ANXA6: variants seen among roughly 807,000 people sequenced by gnomAD.
ANXA6 encodes the protein 67 kDa calelectrin.
Under a neutral mutation model 95.4 loss-of-function variants are expected in ANXA6, and 71 were observed. That is an observed-to-expected ratio of 0.74 (90% CI 0.61 to 0.91). ANXA6 has a LOEUF of 0.91. Ranked by LOEUF, ANXA6 falls within the 40% of genes least tolerant of loss-of-function variation. The pLI, the probability that ANXA6 is intolerant of heterozygous loss-of-function variation, is 0.00. For missense variants in ANXA6, 830 were observed against 876.4 expected (o/e 0.95, Z 0.67); for synonymous variants, 289 against 315.9 (o/e 0.91, Z 0.90).
chr5:151,140,156 A>T lies in ANXA6; in HGVS notation c.106T>A (p.Phe36Ile). 1 of 1,613,814 alleles carries T rather than the reference A, an allele frequency of 6.2e-7. No individual in the cohort carries two copies. The highest frequency in any genetic ancestry group is 8.5e-7 in the Non-Finnish European group (1 of 1,179,852). ...TCCCATGAAGCCTGGCACCCACCAAAGCCCTTCATGGCAGTGTACAGAGCC... is the reference window on the plus strand; with the variant it reads ...TCCCATGAAGCCTGGCACCCACCAATGCCCTTCATGGCAGTGTACAGAGCC... ...AEALYTAMKGFGSDKEAILDI... is the reference protein window; with the variant it reads ...AEALYTAMKGIGSDKEAILDI... Residue 36 changes from phenylalanine to isoleucine, a missense_variant, in exon 3 of 26, where the codon TTT (phenylalanine) becomes ATT (isoleucine). Phe to Ile is a conservative substitution (Grantham distance 21). Transcript: ENST00000354546.
chr5:151,121,166 T>A (rs1474567243), intron 17 of ANXA6, among the ~76,000 whole-genome samples: 2 of 152,224 alleles, frequency 1.3e-5, no homozygotes, highest in Non-Finnish European at 2.9e-5. Flanking sequence ...CCAAAAGCAC[T>A]ACTGGTTTTA....
At chr5:151,122,753 G>A (rs1336513159) in intron 16 of ANXA6, among the ~76,000 whole-genome samples, 164 bp downstream of exon 16, 1 of 152,198 alleles carries the variant, frequency 6.6e-6, no homozygotes, top group African/African-American at 2.4e-5. Flanking sequence ...AGATATGTCT[G>A]CCCAAACCCA....
chr5:151,121,394 TA>T (rs1765163451), intron 17 of ANXA6, among the ~76,000 whole-genome samples: 1 of 152,242 alleles, frequency 6.6e-6, no homozygotes, highest in Non-Finnish European at 1.5e-5. Context: ...ATGCTCTTTA[TA>T]AACAGTAGCC....
At chr5:151,135,565 C>T (rs1765634403) in intron 7 of ANXA6, among the ~76,000 whole-genome samples, 2 of 152,218 alleles carry the variant, frequency 1.3e-5, no homozygotes, top group African/African-American at 4.8e-5. Flanking sequence ...CATCTCAATG[C>T]CTGTTCCCAT....
intron 20 of ANXA6, among the ~76,000 whole-genome samples, chr5:151,114,613 TAAAAAA>T (rs61407672): frequency 2.4e-4 from 17 of 70,314 alleles, no homozygotes; most frequent in African/African-American, 7.4e-4. Flanking sequence ...GACTCCGTCT[TAAAAAA>T]AAAAAAAAAA....
intron 10 of ANXA6, among the ~76,000 whole-genome samples, chr5:151,131,740 C>T (rs749969400): frequency 6.6e-6 from 1 of 152,046 alleles, no homozygotes; most frequent in Non-Finnish European, 1.5e-5. Flanking sequence ...CTGGGAGGGA[C>T]GATAAAGGAG....
intron 6 of ANXA6, 164 bp downstream of exon 6, chr5:151,137,067 A>T: frequency 1.5e-6 from 1 of 657,202 alleles, no homozygotes. Context: ...CTAGCACATC[A>T]CCCAGCACAG....
At chr5:151,104,246 C>A (rs753493921) in intron 24 of ANXA6, among the ~76,000 whole-genome samples, 1 of 152,194 alleles carries the variant, frequency 6.6e-6, no homozygotes, top group Non-Finnish European at 1.5e-5. Context: ...GCCTCCAGAA[C>A]TATGAGAATA....
intron 22 of ANXA6, 54 bp downstream of exon 22, chr5:151,109,699 A>G: frequency 7.1e-7 from 1 of 1,411,644 alleles, no homozygotes; most frequent in South Asian, 1.2e-5. Flanking sequence ...AGAGGCTCTC[A>G]TCAGATTCTG....
chr5:151,109,856 C>T lies in ANXA6; in HGVS notation c.1591-10G>A, dbSNP rs1226005090. ...GTGTGTCTGCTATTTCCTGCAGAGC[C>T]CCAGTTGGAGCAAGGATTTGGGAGG... On this transcript the variant is annotated splice_polypyrimidine_tract_variant and intron_variant, in intron 21 of 25. Coordinates refer to ENST00000354546, the MANE Select transcript of ANXA6 (RefSeq NM_001155.5). 6.3e-7 allele frequency: 1 copy of T among 1,583,330 alleles called. No individual in the cohort carries two copies.
At chr5:151,153,895 T>C (rs1014169765) in intron 1 of ANXA6, among the ~76,000 whole-genome samples, 3 of 152,202 alleles carry the variant, frequency 2.0e-5, no homozygotes, top group Non-Finnish European at 4.4e-5. Context: ...GCATGAGTCA[T>C]AATTTTACAC....
chr5:151,123,827 T>C (rs1765237484), intron 15 of ANXA6, among the ~76,000 whole-genome samples: 1 of 151,902 alleles, frequency 6.6e-6, no homozygotes, highest in Non-Finnish European at 1.5e-5. Flanking sequence ...TGGTGCCAAA[T>C]ATAGGTCTGA....
At chr5:151,143,122 C>A (rs1257116542) in intron 2 of ANXA6, among the ~76,000 whole-genome samples, 3 of 152,214 alleles carry the variant, frequency 2.0e-5, no homozygotes, top group East Asian at 3.9e-4. Context: ...CCCAGAAGAC[C>A]CAGAACAGAG....
intron 14 of ANXA6, 134 bp from the exon 15 acceptor site, chr5:151,124,501 G>A: frequency 2.7e-6 from 2 of 732,580 alleles, no homozygotes; most frequent in South Asian, 1.6e-5. Context: ...AAGAGGCAGA[G>A]GTGAAGCCAC....
chr5:151,120,592 G>A (rs551323203), intron 17 of ANXA6, among the ~76,000 whole-genome samples: 28 of 151,944 alleles, frequency 1.8e-4, no homozygotes, highest in East Asian at 3.9e-4. Context: ...GGTGGCGTGC[G>A]CCTGTAATCC....
rs571723572 is a variant in ANXA6 at position 151,141,433 on chromosome 5, A to C, written c.19-1190T>G. On this transcript the variant is annotated intron_variant, in intron 2 of 25. Transcript: ENST00000354546. ...TTGTAGTAAATACATTAAGACAAAA[A>C]TAAGGTAATGTGGGAAAACAGCAGA... 1,777 of 839,448 alleles carry C rather than the reference A, an allele frequency of 2.1e-3. 3 individuals are homozygous for C. The highest frequency in any genetic ancestry group is 2.4e-3 in the Non-Finnish European group (1,693 of 697,014). The allele number at this position is 839,448 out of a possible 1,614,324, so 52.0% of individuals were successfully genotyped here. A position where few individuals can be genotyped will look rare whatever the true frequency, so the allele number is the denominator to read the frequency against.
intron 8 of ANXA6, chr5:151,133,454 G>T: frequency 2.7e-6 from 1 of 365,684 alleles, no homozygotes; most frequent in East Asian, 4.8e-5. Context: ...CAGACTCCGT[G>T]GTATAGCCTA....
Position 151,140,180 on chromosome 5 carries a change from C to T in ANXA6, c.82G>A (p.Ala28Thr), listed in dbSNP as rs1033202779. The T allele has an allele frequency of 1.9e-6, 3 of 1,613,970 alleles. No homozygotes were observed. Among genetic ancestry groups the T allele is most frequent in the Non-Finnish European group, 1.7e-6 (2 of 1,179,884 alleles). Residue 28 changes from alanine (A) to threonine (T), a missense_variant, in exon 3 of 26, where the codon GCT becomes ACT. By Grantham distance (58) the Ala-to-Thr change is moderately conservative. Transcript: ENST00000354546. Reference protein sequence around the residue: ...PGFDPNQDAEALYTAMKGFGS... With the variant: ...PGFDPNQDAETLYTAMKGFGS... ...AAGCCCTTCATGGCAGTGTACAGAG[C>T]CTCGGCATCCTGGTTGGGGTCAAAG...
At chr5:151,129,174 T>C (rs548417838) in intron 12 of ANXA6, among the ~76,000 whole-genome samples, 1 of 152,372 alleles carries the variant, frequency 6.6e-6, no homozygotes, top group East Asian at 1.9e-4. Context: ...GTGTCCTTCA[T>C]GACCCAGCCC....
Sources: allele counts gnomAD v4.1 joint callset (sites outside exome capture counted in the v4.1 genomes callset), GRCh38; gene constraint gnomAD v4.1.1; transcripts MANE v1.5; gene names NCBI Gene and HGNC (gene_info 2026-07-23, HGNC 2026-07-21).